RPTOR: variants seen among roughly 807,000 people sequenced by gnomAD.
The protein encoded by RPTOR is regulatory associated protein of MTOR complex 1.
A neutral mutation model predicts 169.9 loss-of-function variants in RPTOR; 21 were observed. That is an observed-to-expected ratio of 0.12 (90% CI 0.09 to 0.18). RPTOR has a LOEUF of 0.18. Among genes scored for constraint, RPTOR ranks in the 10% least tolerant of loss-of-function variants. RPTOR has a pLI of 1.00. For missense variants in RPTOR, 1,133 were observed against 1,855.9 expected, an observed-to-expected ratio of 0.61 and a Z score of 7.16; for synonymous variants, 732 against 753.2, an observed-to-expected ratio of 0.97 and a Z score of 0.46.
At chr17:80,550,997 C>T (rs909440773) in intron 1 of RPTOR, among the ~76,000 whole-genome samples, 3 of 152,184 alleles carry the variant, frequency 2.0e-5, no homozygotes, top group Non-Finnish European at 2.9e-5. Flanking sequence ...AAGAGATTCT[C>T]GTGCCTCAGT....
rs534030912 is a variant in RPTOR, at chr17:80,848,740, C to T, written c.1314+2166C>T. ...GTGATGGAGTAAAATCGGCCCTCTCCAAAGCAGGACCCGATGCCAAGCACG... is the reference window on the plus strand; with the variant it reads ...GTGATGGAGTAAAATCGGCCCTCTCTAAAGCAGGACCCGATGCCAAGCACG... On this transcript the variant is annotated intron_variant, in intron 11 of 33. Transcript: ENST00000306801. 2.0e-5 allele frequency among the ~76,000 whole-genome samples: 3 copies of T among 152,352 alleles called. No homozygotes were observed. In the East Asian group the frequency reaches 5.8e-4, roughly 29 times the overall value.
intron 1 of RPTOR, among the ~76,000 whole-genome samples, chr17:80,611,825 A>G (rs964597002): frequency 2.0e-5 from 3 of 151,422 alleles, no homozygotes; most frequent in Non-Finnish European, 4.4e-5. Flanking sequence ...CTAAATGCAG[A>G]GGTTTTTCCC....
chr17:80,925,217 G>A (rs1019174498), intron 23 of RPTOR, among the ~76,000 whole-genome samples, 153 bp from the exon 24 acceptor site: 11 of 152,342 alleles, frequency 7.2e-5, no homozygotes, highest in African/African-American at 2.4e-4. Context: ...ACCAGGATAC[G>A]GAAGTGAGCA....
chr17:80,731,636 A>T (rs1395380847), intron 5 of RPTOR, among the ~76,000 whole-genome samples: 1 of 152,240 alleles, frequency 6.6e-6, no homozygotes, highest in Non-Finnish European at 1.5e-5. Flanking sequence ...TGTGGCCTGC[A>T]CAAGAGTGTC....
intron 10 of RPTOR, among the ~76,000 whole-genome samples, chr17:80,838,266 C>A (rs1219649237): frequency 6.6e-6 from 1 of 152,210 alleles, no homozygotes; most frequent in African/African-American, 2.4e-5. Flanking sequence ...GGACTCACTC[C>A]CTGTGAGTGG....
rs900113051 is a variant in RPTOR, at chr17:80,730,022, G to T, written c.508-538G>T. Among the ~76,000 whole-genome samples the T allele has an allele frequency of 2.0e-5, 3 of 152,238 alleles. No homozygotes were observed. The highest frequency in any genetic ancestry group is 4.4e-5 in the Non-Finnish European group (3 of 68,040). Reference sequence around the variant, plus strand: ...AGCGGCAGCTGCGGAGGAGCCTGGGGCTAGGGATGATGACTTTGGCAGCCA... The same window carrying T: ...AGCGGCAGCTGCGGAGGAGCCTGGGTCTAGGGATGATGACTTTGGCAGCCA... On this transcript the variant is annotated intron_variant, in intron 4 of 33. Coordinates refer to ENST00000306801, the MANE Select transcript of RPTOR (RefSeq NM_020761.3). This position sits in a 1 kb window ranked among gnomAD's most constrained non-coding sequence, Gnocchi z 4.2.
chr17:80,634,806 A>G lies in RPTOR; in HGVS notation c.266-8922A>G, dbSNP rs143545107. Among the ~76,000 whole-genome samples, 680 of 122,836 alleles carry G rather than the reference A, an allele frequency of 5.5e-3. 20 individuals are homozygous for G. Among genetic ancestry groups the G allele is most frequent in the Middle Eastern group, 0.014 (2 of 142 alleles). The allele number at this position is 122,836 out of a possible 152,430, so 80.6% of individuals were successfully genotyped here. A position where few individuals can be genotyped will look rare whatever the true frequency, so the allele number is the denominator to read the frequency against. ...GTGTGCATGTGCATACTGTGTGTGC[A>G]TACTGTGTGTGTGCATACTGTGTGT... On this transcript the variant is annotated intron_variant, in intron 2 of 33. Transcript: ENST00000306801.
intron 17 of RPTOR, among the ~76,000 whole-genome samples, chr17:80,890,197 C>A (rs541101549): frequency 6.6e-6 from 1 of 152,318 alleles, no homozygotes; most frequent in Non-Finnish European, 1.5e-5. Flanking sequence ...TCCCCTGAAT[C>A]GAAGGGCCCA....
chr17:80,659,616 C>T lies in RPTOR; in HGVS notation c.348+15806C>T, dbSNP rs1216410818. Among the ~76,000 whole-genome samples, 3 of 152,240 alleles carry T rather than the reference C, an allele frequency of 2.0e-5. No individual in the cohort carries two copies. In the South Asian group the frequency reaches 6.2e-4, roughly 32 times the overall value. ...CTGCCACCTGGGTTTAAGCAATTCT[C>T]CTGCCTCAGCCTCCCAAGTAGCTGG... On this transcript the variant is annotated intron_variant, in intron 3 of 33. Transcript: ENST00000306801. The surrounding 1 kb of genome is among the most constrained non-coding windows in gnomAD (Gnocchi z 4.3).
intron 16 of RPTOR, among the ~76,000 whole-genome samples, chr17:80,884,243 G>A (rs1173227807): frequency 6.6e-6 from 1 of 152,228 alleles, no homozygotes. Flanking sequence ...TCACGTGCTC[G>A]CTGTCCGGGT....
chr17:80,724,213 G>T (rs966410301), intron 4 of RPTOR, among the ~76,000 whole-genome samples: 1 of 151,132 alleles, frequency 6.6e-6, no homozygotes, highest in Non-Finnish European at 1.5e-5. Context: ...TTTGAAGCTG[G>T]ACATGAGAGC....
At chr17:80,892,533 G>A (rs1439339257) in intron 18 of RPTOR, among the ~76,000 whole-genome samples, 196 bp from the exon 19 acceptor site, 2 of 152,256 alleles carry the variant, frequency 1.3e-5, no homozygotes, top group Non-Finnish European at 2.9e-5. Flanking sequence ...ACAAGCGGTT[G>A]TTGTTTGTCC....
intron 5 of RPTOR, among the ~76,000 whole-genome samples, chr17:80,735,899 C>T (rs1017409268): frequency 4.6e-5 from 7 of 152,064 alleles, no homozygotes; most frequent in East Asian, 1.9e-4. Flanking sequence ...CTGGCCGGTG[C>T]GGTGGCTCAC....
chr17:80,605,990 A>G (rs1333084114), intron 1 of RPTOR, among the ~76,000 whole-genome samples: 1 of 152,062 alleles, frequency 6.6e-6, no homozygotes, highest in Non-Finnish European at 1.5e-5. Flanking sequence ...GGTGTTTTCT[A>G]TGCGTGTCTC....
intron 6 of RPTOR, among the ~76,000 whole-genome samples, chr17:80,781,359 T>A (rs1598300233): frequency 6.6e-6 from 1 of 152,312 alleles, no homozygotes; most frequent in Non-Finnish European, 1.5e-5. Flanking sequence ...AGCTCGTGGC[T>A]GCCACCCCAA....
At position 80,877,963 on chromosome 17, in the gene RPTOR, G is replaced by A. The variant is rs111586114; in HGVS notation, c.1510-2452G>A. On this transcript the variant is annotated intron_variant, in intron 13 of 33. Coordinates refer to ENST00000306801, the MANE Select transcript of RPTOR (RefSeq NM_020761.3). ...TGTAAGAGCACCCCTGAGAAATGGCGGGGTTAGGGGCTTCTGGGCTGCATA... is the reference window on the plus strand; with the variant it reads ...TGTAAGAGCACCCCTGAGAAATGGCAGGGTTAGGGGCTTCTGGGCTGCATA... Among the ~76,000 whole-genome samples the A allele has an allele frequency of 6.4e-3, 977 of 152,324 alleles. 11 individuals carry two copies. The highest frequency in any genetic ancestry group is 0.022 in the African/African-American group (920 of 41,560).
chr17:80,554,701 G>A (rs535716641), intron 1 of RPTOR, among the ~76,000 whole-genome samples: 3 of 151,960 alleles, frequency 2.0e-5, no homozygotes, highest in South Asian at 2.1e-4. Flanking sequence ...CTGAGATTGC[G>A]CCACTGCACT....
intron 6 of RPTOR, among the ~76,000 whole-genome samples, chr17:80,760,882 C>T (rs1216646681): frequency 9.9e-5 from 15 of 152,044 alleles, no homozygotes; most frequent in Admixed American, 9.8e-4. Context: ...GGGTAAACAA[C>T]ATACAGCTTT....
intron 3 of RPTOR, among the ~76,000 whole-genome samples, chr17:80,667,466 C>T (rs1005066951): frequency 1.3e-5 from 2 of 152,222 alleles, no homozygotes; most frequent in Non-Finnish European, 2.9e-5. Flanking sequence ...ACAAGTGCAT[C>T]GTGAGGTGCT....
Sources: allele counts gnomAD v4.1 joint callset (sites outside exome capture counted in the v4.1 genomes callset), GRCh38; gene constraint gnomAD v4.1.1; non-coding constraint Gnocchi (gnomAD v3.1); transcripts MANE v1.5; gene names NCBI Gene and HGNC (gene_info 2026-07-23, HGNC 2026-07-21).